PCDH11X: variants seen among roughly 807,000 people sequenced by gnomAD.
The protein encoded by PCDH11X is protocadherin-11 X-linked.
In PCDH11X, 18 loss-of-function variants were observed where a neutral mutation model predicts 53.3. The ratio of observed to expected loss-of-function variants is 0.34; its 90% CI spans 0.23 to 0.50. The LOEUF is 0.50. PCDH11X is among the 20% of genes least tolerant of loss of function. The pLI, the probability that PCDH11X is intolerant of heterozygous loss-of-function variation, is 0.98. For synonymous variants in PCDH11X, 279 were observed against 393.3 expected (o/e 0.71, Z 3.44); for missense variants, 570 against 1,032.4 (o/e 0.55, Z 6.14).
At chrX:92,493,013 T>C (rs746564648) in intron 10 of PCDH11X, among the ~76,000 whole-genome samples, 1 of 111,857 alleles carries the variant, frequency 8.9e-6, no homozygotes, top group South Asian at 3.7e-4. Context: ...TGTTGAATAT[T>C]GTATGATTTT....
At chrX:92,537,700 A>G (rs34898396) in intron 10 of PCDH11X, among the ~76,000 whole-genome samples, 124 of 102,956 alleles carry the variant, frequency 1.2e-3, no homozygotes, top group Non-Finnish European at 2.2e-3. Flanking sequence ...AGAATAGAGA[A>G]TCAGAAACAA....
In PCDH11X at chrX:92,201,245, G is replaced by GAT. The variant is rs762699016; in HGVS notation, c.3034-129_3034-128dup. 6.2e-5 allele frequency: 55 copies of GAT among 886,799 alleles called. No homozygotes were observed. In the African/African-American group the frequency reaches 1.1e-3, roughly 18 times the overall value. 73.1% of individuals were successfully genotyped at this position (886,799 alleles called of 1,213,427 possible). ...ACCATTTGTTACATAAATAAACTAT[G>GAT]ATGTCTAAAAAGAGATAATCTACCC... On this transcript the variant is annotated intron_variant, in intron 6 of 10. Transcript: ENST00000682573.
chrX:91,972,093 A>G (rs1163771259), intron 6 of PCDH11X, among the ~76,000 whole-genome samples: 3 of 107,755 alleles, frequency 2.8e-5, no homozygotes, highest in Non-Finnish European at 5.8e-5. Flanking sequence ...ATTTCTCCAC[A>G]TCCTCTCCAG....
At chrX:92,549,691 G>A (rs1480196410) in intron 10 of PCDH11X, among the ~76,000 whole-genome samples, 2 of 107,382 alleles carry the variant, frequency 1.9e-5, no homozygotes, top group African/African-American at 3.4e-5. Flanking sequence ...TCACGATGGC[G>A]AAAGAGAGCA....
At chrX:92,185,117 G>T (rs1033837085) in intron 6 of PCDH11X, among the ~76,000 whole-genome samples, 6 of 110,370 alleles carry the variant, frequency 5.4e-5, no homozygotes, top group African/African-American at 2.0e-4. Flanking sequence ...TTCATTGCCT[G>T]TGCCTGTAGT....
intron 10 of PCDH11X, among the ~76,000 whole-genome samples, chrX:92,495,122 T>G (rs1410988291): frequency 9.2e-6 from 1 of 108,919 alleles, no homozygotes; most frequent in Non-Finnish European, 1.9e-5. Context: ...CATAAAATAT[T>G]TATATACTGA....
At position 91,828,727 on chromosome X, in the gene PCDH11X, TA is replaced by T. The variant is rs1167817042; in HGVS notation, c.-44-6733del. ...TGCTTAGCGTTCTAAGATGTGTAGT[TA>T]CTGATTATGGATTGTGCAACTCCAA... On this transcript the variant is annotated intron_variant, in intron 4 of 10. Coordinates refer to ENST00000682573, the MANE Select transcript of PCDH11X (RefSeq NM_032968.5). 3.6e-5 allele frequency among the ~76,000 whole-genome samples: 4 copies of T among 111,848 alleles called. No individual in the cohort carries two copies. In the South Asian group the frequency reaches 1.5e-3, roughly 42 times the overall value.
Position 92,003,528 on chromosome X carries a change from T to A in PCDH11X, c.3033+124255T>A, listed in dbSNP as rs754191684. Among the ~76,000 whole-genome samples, 11 of 106,940 alleles carry A rather than the reference T, an allele frequency of 1.0e-4. No individual in the cohort carries two copies. The South Asian group carries it at 4.7e-3, about 45-fold the overall frequency. The allele number at this position is 106,940 out of a possible 115,157, so 92.9% of individuals were successfully genotyped here. A position where few individuals can be genotyped will look rare whatever the true frequency, so the allele number is the denominator to read the frequency against. ...TCCCAGGCTTTTTTTTTTTTTCTTT[T>A]TTTTTGATGGGAGAGTTTTTATTAT... is the stretch of plus-strand genomic sequence containing the variant. On this transcript the variant is annotated intron_variant, in intron 6 of 10. Coordinates refer to ENST00000682573, the MANE Select transcript of PCDH11X (RefSeq NM_032968.5).
At chrX:91,834,216 T>C (rs747360216) in intron 4 of PCDH11X, among the ~76,000 whole-genome samples, 58 of 111,388 alleles carry the variant, frequency 5.2e-4, no homozygotes, top group African/African-American at 1.8e-3. Flanking sequence ...ATTTAATATA[T>C]AAACTTGAGA....
chrX:91,833,461 A>G (rs1440484883), intron 4 of PCDH11X, among the ~76,000 whole-genome samples: 3 of 110,537 alleles, frequency 2.7e-5, no homozygotes, highest in African/African-American at 6.6e-5. Context: ...GATGCTAAAA[A>G]TACTATACCA....
chrX:92,364,914 CAAAA>C (rs57977407), intron 8 of PCDH11X, among the ~76,000 whole-genome samples: 3,490 of 44,643 alleles, frequency 0.078, 263 homozygotes, highest in African/African-American at 0.23. Flanking sequence ...ACCCTTTCTA[CAAAA>C]AAAAAAAAAA....
At chrX:92,294,145 T>C (rs138128458) in intron 8 of PCDH11X, among the ~76,000 whole-genome samples, 3,427 of 110,187 alleles carry the variant, frequency 0.031, 111 homozygotes, top group East Asian at 0.26. Flanking sequence ...TTCATTCATT[T>C]ATTTATTTAT....
intron 7 of PCDH11X, among the ~76,000 whole-genome samples, chrX:92,242,603 T>A (rs1334990567): frequency 8.9e-6 from 1 of 111,792 alleles, no homozygotes; most frequent in East Asian, 2.8e-4. Flanking sequence ...ATCTTTTGTG[T>A]AAATATGAGT....
chrX:92,221,175 T>C (rs1197328123), intron 7 of PCDH11X, among the ~76,000 whole-genome samples: 1 of 101,461 alleles, frequency 9.9e-6, no homozygotes, highest in Non-Finnish European at 2.0e-5. Flanking sequence ...ATTGTGCACA[T>C]GTACCCTAAA....
At chrX:92,139,088 C>T (rs747669539) in intron 6 of PCDH11X, among the ~76,000 whole-genome samples, 93 of 106,644 alleles carry the variant, frequency 8.7e-4, no homozygotes, top group African/African-American at 3.2e-3. Flanking sequence ...AGATTATTTT[C>T]ACCTCTCCTC....
intron 6 of PCDH11X, among the ~76,000 whole-genome samples, chrX:91,926,695 G>T (rs924369311): frequency 1.8e-5 from 2 of 110,059 alleles, no homozygotes; most frequent in Non-Finnish European, 3.8e-5. Context: ...AAAATTTTTA[G>T]TTCACACATA....
chrX:91,922,671 C>T (rs180809657), intron 6 of PCDH11X, among the ~76,000 whole-genome samples: 101 of 112,290 alleles, frequency 9.0e-4, no homozygotes, highest in Non-Finnish European at 1.7e-3. Context: ...GTTGTGCGTT[C>T]CTTGTAATCT....
rs531226320 is a variant in PCDH11X, at chrX:91,848,306, A to G, written c.540+12262A>G. On this transcript the variant is annotated intron_variant, in intron 5 of 10. Coordinates refer to ENST00000682573, the MANE Select transcript of PCDH11X (RefSeq NM_032968.5). ...ACTCCGCCCCATGGGGGTTCACTCT[A>G]TTCTCCTGCCCCAGCCTCCCGAGTA... 1.2e-3 allele frequency among the ~76,000 whole-genome samples: 127 copies of G among 108,571 alleles called. 1 individual carries two copies. The highest frequency in any genetic ancestry group is 0.011 in the South Asian group (28 of 2,467). The allele number at this position is 108,571 out of a possible 115,157, so 94.3% of individuals were successfully genotyped here. A position where few individuals can be genotyped will look rare whatever the true frequency, so the allele number is the denominator to read the frequency against.
At chrX:92,275,956 A>G (rs1350526857) in intron 8 of PCDH11X, among the ~76,000 whole-genome samples, 2 of 110,377 alleles carry the variant, frequency 1.8e-5, no homozygotes, top group Non-Finnish European at 3.8e-5. Context: ...GAGGCTTTGG[A>G]TTGGGAAGAA....
Sources: allele counts gnomAD v4.1 joint callset (sites outside exome capture counted in the v4.1 genomes callset), GRCh38; gene constraint gnomAD v4.1.1; transcripts MANE v1.5; gene names NCBI Gene and HGNC (gene_info 2026-07-23, HGNC 2026-07-21).